The following SINHCAF variants were observed in gnomAD, a reference collection of about 807,000 sequenced individuals.
SINHCAF encodes the protein SIN3-HDAC complex associated factor, also known as SIN3-HDAC complex-associated factor.
Under a neutral mutation model 25.8 loss-of-function variants are expected in SINHCAF, and 3 were observed. The ratio of observed to expected loss-of-function variants is 0.12; its 90% CI spans 0.05 to 0.30. The LOEUF (loss-of-function observed/expected upper bound fraction) is 0.30, where lower values mean the gene tolerates loss of function less well. SINHCAF is among the 10% of genes least tolerant of loss of function. The pLI is 1.00. For synonymous variants in SINHCAF, 70 were observed against 85.5 expected, an observed-to-expected ratio of 0.82 and a Z score of 1.00; for missense variants, 121 against 262.3, an observed-to-expected ratio of 0.46 and a Z score of 3.72.
chr12:31,308,333 G>A (rs998859530), intron 1 of SINHCAF, among the ~76,000 whole-genome samples: 2 of 152,142 alleles, frequency 1.3e-5, no homozygotes, highest in Admixed American at 1.3e-4. Flanking sequence ...AGGTACAAAA[G>A]GGTTGAGTCA....
chr12:31,289,594 T>A lies in SINHCAF; in HGVS notation c.356-1810A>T, dbSNP rs567826823. Among the ~76,000 whole-genome samples the A allele has an allele frequency of 2.6e-5, 4 of 152,332 alleles. No homozygotes were observed. The South Asian group carries it at 8.3e-4, about 32-fold the overall frequency. ...GTTAACAGTCATTGTGCTATAAGGCTGTTGTACTGCCACGTCACAGCAAGA... is the reference window on the plus strand; with the variant it reads ...GTTAACAGTCATTGTGCTATAAGGCAGTTGTACTGCCACGTCACAGCAAGA... On this transcript the variant is annotated intron_variant, in intron 4 of 5. Transcript: ENST00000337682.
At position 31,290,066 on chromosome 12, in the gene SINHCAF, G is replaced by A. The variant is rs913261770; in HGVS notation, c.356-2282C>T. Among the ~76,000 whole-genome samples, 9 of 152,126 alleles carry A rather than the reference G, an allele frequency of 5.9e-5. No homozygotes were observed. In the South Asian group the frequency reaches 8.3e-4, roughly 14 times the overall value. The stretch of plus-strand genomic sequence containing the variant: ...TGGTCTGGAGCTCCTAGCCTCAAGC[G>A]ATCCTCCCACCTCGGCCTCCCAAAG... On this transcript the variant is annotated intron_variant, in intron 4 of 5. Transcript: ENST00000337682.
chr12:31,281,647 A>T lies in SINHCAF; in HGVS notation c.*1065T>A, dbSNP rs1937799703. 6.6e-6 allele frequency: 1 copy of T among 152,168 alleles called. No homozygotes were observed. Among genetic ancestry groups the T allele is most frequent in the Non-Finnish European group, 1.5e-5 (1 of 68,032 alleles). 9.4% of individuals were successfully genotyped at this position (152,168 alleles called of 1,614,324 possible). Reference sequence around the variant, plus strand: ...GCCATCCTGAAGACTTGCACATTTTATTTTTCAGATAGCTTAACATTTTTA... The same window carrying T: ...GCCATCCTGAAGACTTGCACATTTTTTTTTTCAGATAGCTTAACATTTTTA... On this transcript the variant is annotated 3_prime_UTR_variant, in exon 6 of 6. Coordinates refer to ENST00000337682, the MANE Select transcript of SINHCAF (RefSeq NM_001135812.2).
intron 1 of SINHCAF, chr12:31,323,830 C>T: frequency 2.4e-6 from 1 of 422,686 alleles, no homozygotes; most frequent in South Asian, 1.6e-5. Flanking sequence ...GGGCTGGGTC[C>T]CCTGGACTTG....
intron 2 of SINHCAF, among the ~76,000 whole-genome samples, chr12:31,297,354 T>C (rs1256976843): frequency 2.0e-5 from 3 of 152,072 alleles, no homozygotes; most frequent in African/African-American, 7.2e-5. Flanking sequence ...AGAGATGGGT[T>C]TCCCCATGTT....
At chr12:31,285,418 T>TACATACACACACACAC (rs1555110959) in intron 5 of SINHCAF, among the ~76,000 whole-genome samples, 2 of 141,444 alleles carry the variant, frequency 1.4e-5, no homozygotes, top group South Asian at 2.3e-4. Flanking sequence ...TATATATACA[T>TACATACACACACACAC]ACACACACAC....
intron 1 of SINHCAF, among the ~76,000 whole-genome samples, chr12:31,300,450 T>G (rs1334117773): frequency 6.6e-6 from 1 of 152,202 alleles, no homozygotes; most frequent in African/African-American, 2.4e-5. Context: ...AAAAACATTT[T>G]TAGTTGATAA....
intron 1 of SINHCAF, among the ~76,000 whole-genome samples, chr12:31,314,248 G>A (rs182548098): frequency 6.6e-6 from 1 of 152,158 alleles, no homozygotes; most frequent in East Asian, 1.9e-4. Flanking sequence ...TAGAGTGGCA[G>A]GGCACAGTGG....
At position 31,302,989 on chromosome 12, in the gene SINHCAF, T is replaced by G. The variant is rs150073655; in HGVS notation, c.-20-4765A>C. The G allele has an allele frequency of 1.3e-3, 1,241 of 985,414 alleles. 16 individuals are homozygous for G. In the African/African-American group the frequency reaches 0.02, roughly 16 times the overall value. The allele number at this position is 985,414 out of a possible 1,614,324, so 61.0% of individuals were successfully genotyped here. On this transcript the variant is annotated intron_variant, in intron 1 of 5. Transcript: ENST00000337682. ...CTTGGCTCACTTTTCTCTTTTCTTCTGACACTATCATCAATCATCTATCTG... is the reference window on the plus strand; with the variant it reads ...CTTGGCTCACTTTTCTCTTTTCTTCGGACACTATCATCAATCATCTATCTG...
At chr12:31,323,631 C>G (rs956019478) in intron 1 of SINHCAF, among the ~76,000 whole-genome samples, 3 of 152,098 alleles carry the variant, frequency 2.0e-5, no homozygotes, top group Non-Finnish European at 4.4e-5. Context: ...CAAACTGCAC[C>G]GCCCTACCAC....
intron 1 of SINHCAF, among the ~76,000 whole-genome samples, chr12:31,298,880 G>A (rs1222707475): frequency 6.6e-6 from 1 of 152,058 alleles, no homozygotes; most frequent in African/African-American, 2.4e-5. Context: ...TTATCATTAA[G>A]ACAAAAAAAG....
At chr12:31,315,859 G>A (rs1364524321) in intron 1 of SINHCAF, among the ~76,000 whole-genome samples, 2 of 152,080 alleles carry the variant, frequency 1.3e-5, no homozygotes, top group African/African-American at 4.8e-5. Flanking sequence ...TTTTAATACT[G>A]TAACAGTTAA....
At chr12:31,319,753 T>C (rs957863865) in intron 1 of SINHCAF, among the ~76,000 whole-genome samples, 10 of 152,322 alleles carry the variant, frequency 6.6e-5, no homozygotes, top group African/African-American at 2.4e-4. Context: ...TTATTGGTAA[T>C]ACCTATTATT....
chr12:31,306,502 C>G (rs951922127), intron 1 of SINHCAF, among the ~76,000 whole-genome samples: 2 of 147,952 alleles, frequency 1.4e-5, no homozygotes, highest in South Asian at 4.3e-4. Context: ...GGGAAAAGTA[C>G]CCCCCCCTTT....
In SINHCAF at chr12:31,307,244, G is replaced by C. The variant is rs537229385; in HGVS notation, c.-20-9020C>G. 5.3e-5 allele frequency among the ~76,000 whole-genome samples: 8 copies of C among 152,260 alleles called. No individual in the cohort carries two copies. In the South Asian group the frequency reaches 1.5e-3, roughly 28 times the overall value. On this transcript the variant is annotated intron_variant, in intron 1 of 5. Coordinates refer to ENST00000337682, the MANE Select transcript of SINHCAF (RefSeq NM_001135812.2). Reference sequence around the variant, plus strand: ...TCCAAGTATACCGTCATTCTCTCCAGGTAGAGGCAAACAAATACTAACTAC... The same window carrying C: ...TCCAAGTATACCGTCATTCTCTCCACGTAGAGGCAAACAAATACTAACTAC...
chr12:31,288,107 G>A (rs530638493), intron 4 of SINHCAF, among the ~76,000 whole-genome samples: 174 of 152,184 alleles, frequency 1.1e-3, no homozygotes, highest in African/African-American at 4.0e-3. Context: ...ATGGTGGTAG[G>A]TTCCTTAGTT....
chr12:31,310,867 G>T (rs963953240), intron 1 of SINHCAF, among the ~76,000 whole-genome samples: 1 of 149,970 alleles, frequency 6.7e-6, no homozygotes, highest in East Asian at 1.9e-4. Flanking sequence ...TCTAATCTAC[G>T]ATCTTTTTTT....
chr12:31,295,412 A>G (rs956418230), intron 2 of SINHCAF, 79 bp from the exon 3 acceptor site: 1 of 906,722 alleles, frequency 1.1e-6, no homozygotes, highest in Non-Finnish European at 1.8e-6. Flanking sequence ...TTTGGGGAAA[A>G]AACTGTATCT....
At chr12:31,285,428 C>T (rs1449214599) in intron 5 of SINHCAF, among the ~76,000 whole-genome samples, 6 of 150,986 alleles carry the variant, frequency 4.0e-5, no homozygotes, top group East Asian at 3.9e-4. Context: ...TACACACACA[C>T]ACACACACAC....
Sources: gnomAD v4.1 joint callset for allele counts (sites outside exome capture counted in the v4.1 genomes callset) on GRCh38, gnomAD v4.1.1 for gene constraint, MANE v1.5 for transcripts, NCBI Gene and HGNC (gene_info 2026-07-23, HGNC 2026-07-21) for gene names.